Variants in COL2A1 observed in about 807,000 individuals in gnomAD.
COL2A1 encodes the protein collagen alpha-1(II) chain.
A neutral mutation model predicts 204.5 loss-of-function variants in COL2A1; 28 were observed. That is an observed-to-expected ratio of 0.14 (90% CI 0.10 to 0.19). The LOEUF (loss-of-function observed/expected upper bound fraction) is 0.19, where lower values mean the gene tolerates loss of function less well. COL2A1 is among the 10% of genes least tolerant of loss of function. The pLI is 1.00. For missense variants in COL2A1, 1,388 were observed against 2,027.5 expected (o/e 0.68, Z 6.06); for synonymous variants, 708 against 718.7 (o/e 0.99, Z 0.24).
At chr12:47,992,243 C>T (rs1939741714) in intron 16 of COL2A1, among the ~76,000 whole-genome samples, 1 of 152,214 alleles carries the variant, frequency 6.6e-6, no homozygotes, top group Admixed American at 6.5e-5. Context: ...CCCACATTAA[C>T]TAGAGGCCAC....
intron 15 of COL2A1, 82 bp from the exon 16 acceptor site, chr12:47,993,013 C>T (rs950230328): frequency 3.7e-5 from 50 of 1,345,212 alleles, no homozygotes; most frequent in South Asian, 2.4e-4. Context: ...AGGCCCTTTG[C>T]GGATACCAGA....
At chr12:48,004,802 C>T (rs1940401699), upstream of COL2A1, among the ~76,000 whole-genome samples, 1 of 152,228 alleles carries the variant, frequency 6.6e-6, no homozygotes, top group African/African-American at 2.4e-5. Flanking sequence ...GGCCCCTCCC[C>T]TCGGAGTTCT....
Position 47,995,274 on chromosome 12 carries a change from G to C in COL2A1, c.743C>G (p.Pro248Arg), listed in dbSNP as rs760132838. 6.2e-7 allele frequency: 1 copy of C among 1,613,496 alleles called. No individual in the cohort carries two copies. The highest frequency in any genetic ancestry group is 2.2e-5 in the East Asian group (1 of 44,886). ...PMGPRGPPGPPGKPGDDGEAG... is the reference protein window; with the variant it reads ...PMGPRGPPGPRGKPGDDGEAG... Reference sequence around the variant, plus strand: ...ACTCACATCATCACCAGGCTTTCCAGGGGGACCAGGAGGACCACGGGGACC... The same window carrying C: ...ACTCACATCATCACCAGGCTTTCCACGGGGACCAGGAGGACCACGGGGACC... Residue 248 changes from proline to arginine, a missense_variant, in exon 11 of 54, where the codon CCT (proline) becomes CGT (arginine). Transcript: ENST00000380518.
chr12:47,987,360 A>G lies in COL2A1; in HGVS notation c.1222-47T>C, dbSNP rs756663022. ...AATAAGCAGCAAAGAATGAACCCCA[A>G]CCACCTCCAGCCCTCCAGGATCCAG... On this transcript the variant is annotated intron_variant, in intron 19 of 53. Coordinates refer to ENST00000380518, the MANE Select transcript of COL2A1 (RefSeq NM_001844.5). This position sits in a 1 kb window ranked among gnomAD's most constrained non-coding sequence, Gnocchi z 4.1. The G allele has an allele frequency of 2.1e-5, 34 of 1,601,660 alleles. No homozygotes were observed. Among genetic ancestry groups the G allele is most frequent in the Admixed American group, 8.4e-5 (5 of 59,596 alleles).
chr12:47,983,557 C>T, intron 30 of COL2A1, 119 bp from the exon 31 acceptor site: 1 of 1,435,052 alleles, frequency 7.0e-7, no homozygotes, highest in South Asian at 1.2e-5. Context: ...GCCAGGGGTG[C>T]AGGGAAGGCT....
chr12:47,980,544 C>A lies in COL2A1; in HGVS notation c.2625+10G>T. Reference sequence around the variant, plus strand: ...TGAGGGAACAATTCTTGGAGTGCAGCGTTACCCACCTGAGGCCCAGGTGCT... The same window carrying A: ...TGAGGGAACAATTCTTGGAGTGCAGAGTTACCCACCTGAGGCCCAGGTGCT... On this transcript the variant is annotated intron_variant, in intron 39 of 53. Coordinates refer to ENST00000380518, the MANE Select transcript of COL2A1 (RefSeq NM_001844.5). The surrounding 1 kb of genome is among the most constrained non-coding windows in gnomAD (Gnocchi z 4.5). 1 of 1,594,168 alleles carries A rather than the reference C, an allele frequency of 6.3e-7. No homozygotes were observed. The highest frequency in any genetic ancestry group is 8.6e-7 in the Non-Finnish European group (1 of 1,169,004).
intron 2 of COL2A1, chr12:47,998,690 A>G (rs1307996820): frequency 2.0e-6 from 1 of 499,340 alleles, no homozygotes; most frequent in African/African-American, 1.9e-5. Context: ...AAAAGAAAGG[A>G]GCAAGGGCAG....
Position 47,978,068 on chromosome 12 carries a change from G to A in COL2A1, c.3053C>T (p.Pro1018Leu), listed in dbSNP as rs1191511314. 1.9e-6 allele frequency: 3 copies of A among 1,613,896 alleles called. No homozygotes were observed. Among genetic ancestry groups the A allele is most frequent in the Non-Finnish European group, 2.5e-6 (3 of 1,180,022 alleles). Reference sequence around the variant, plus strand: ...GCCAGGAGGACCCACGGGGCCAGGAGGACCTCTGTCTCCAGATGCTCCAGG... The same window carrying A: ...GCCAGGAGGACCCACGGGGCCAGGAAGACCTCTGTCTCCAGATGCTCCAGG... Reference protein sequence around the residue: ...GAPGASGDRGPPGPVGPPGLT... With the variant: ...GAPGASGDRGLPGPVGPPGLT... Residue 1018 changes from proline (P) to leucine (L), a missense_variant, in exon 44 of 54, where the codon CCT (proline) becomes CTT (leucine). Physicochemically the swap from Pro to Leu is moderately conservative, Grantham distance 98. Transcript: ENST00000380518. This position sits in a 1 kb window ranked among gnomAD's most constrained non-coding sequence, Gnocchi z 5.5.
chr12:47,974,779 C>A lies in COL2A1; in HGVS notation c.3970G>T (p.Val1324Phe). 1 of 1,614,178 alleles carries A rather than the reference C, an allele frequency of 6.2e-7. No individual in the cohort carries two copies. The highest frequency in any genetic ancestry group is 8.5e-7 in the Non-Finnish European group (1 of 1,180,046). The change falls in exon 52 of 54, where the codon GTC (valine) becomes TTC (phenylalanine). Residue 1324 changes from valine to phenylalanine, a missense_variant. Around this residue, in one of 3 missense-constraint regions of COL2A1, gnomAD observed 303 missense variants for 369.2 expected, o/e 0.82. Coordinates refer to ENST00000380518, the MANE Select transcript of COL2A1 (RefSeq NM_001844.5). ...FCNMETGETC[V>F]YPNPANVPKK... ...GGAACGTTTGCTGGATTGGGGTAGA[C>A]GCAAGTCTCGCCAGTCTCCATGTTG... is the stretch of plus-strand genomic sequence containing the variant.
Position 47,976,379 on chromosome 12 carries a change from G to C in COL2A1, c.3489+135C>G, listed in dbSNP as rs550866874. On this transcript the variant is annotated intron_variant, in intron 49 of 53. Coordinates refer to ENST00000380518, the MANE Select transcript of COL2A1 (RefSeq NM_001844.5). The surrounding 1 kb of genome is among the most constrained non-coding windows in gnomAD (Gnocchi z 4.3). ...TTTCTGGCCATAGGCACATGAGCCAGTCCTGCCCCCATTACTGAGTGAGGA... is the reference window on the plus strand; with the variant it reads ...TTTCTGGCCATAGGCACATGAGCCACTCCTGCCCCCATTACTGAGTGAGGA... 2 of 1,006,614 alleles carry C rather than the reference G, an allele frequency of 2.0e-6. No individual in the cohort carries two copies. The highest frequency in any genetic ancestry group is 5.0e-5 in the East Asian group (2 of 40,206). The allele number at this position is 1,006,614 out of a possible 1,614,324, so 62.4% of individuals were successfully genotyped here. A position where few individuals can be genotyped will look rare whatever the true frequency, so the allele number is the denominator to read the frequency against.
Position 47,975,484 on chromosome 12 carries a change from C to T in COL2A1, c.3719G>A (p.Arg1240Gln), listed in dbSNP as rs770482348. 4.3e-5 allele frequency: 69 copies of T among 1,613,572 alleles called. No individual in the cohort carries two copies. Among genetic ancestry groups the T allele is most frequent in the African/African-American group, 1.7e-4 (13 of 74,914 alleles). Residue 1240 changes from arginine (R) to glutamine (Q), a missense_variant, in exon 51 of 54, where the codon CGG (arginine) becomes CAG (glutamine). By Grantham distance (43) the Arg-to-Gln change is conservative. Coordinates refer to ENST00000380518, the MANE Select transcript of COL2A1 (RefSeq NM_001844.5). Reference sequence around the variant, plus strand: ...CAGGCCACCGGCTGCCTGGTCGGCCCGCATGTACTGCAGGGGGTCGGGGCC... The same window carrying T: ...CAGGCCACCGGCTGCCTGGTCGGCCTGCATGTACTGCAGGGGGTCGGGGCC... ...EKGPDPLQYM[R>Q]ADQAAGGLRQ...
chr12:47,989,402 G>T (rs1939593593), intron 17 of COL2A1, 121 bp from the exon 18 acceptor site: 2 of 897,452 alleles, frequency 2.2e-6, no homozygotes, highest in Non-Finnish European at 3.6e-6. Context: ...ATCCATTGTG[G>T]CTAAAAGGCC....
Position 47,975,865 on chromosome 12 carries a change from C to T in COL2A1, c.3597+98G>A, listed in dbSNP as rs11168335. 7.2e-5 allele frequency: 68 copies of T among 950,584 alleles called. No homozygotes were observed. The African/African-American group carries it at 9.9e-4, about 14-fold the overall frequency. The allele number at this position is 950,584 out of a possible 1,614,324, so 58.9% of individuals were successfully genotyped here. On this transcript the variant is annotated intron_variant, in intron 50 of 53. Transcript: ENST00000380518. ...TAAAGGATGCCATCACTGTTAGCTGCAGGCTGATGCCCTAAAAGAGGCCCT... is the reference window on the plus strand; with the variant it reads ...TAAAGGATGCCATCACTGTTAGCTGTAGGCTGATGCCCTAAAAGAGGCCCT...
chr12:47,997,666 G>T lies in COL2A1; in HGVS notation c.471C>A (p.Thr157=), dbSNP rs996191339. 1.2e-6 allele frequency: 2 copies of T among 1,613,944 alleles called. No homozygotes were observed. The highest frequency in any genetic ancestry group is 1.7e-5 in the Admixed American group (1 of 60,014). The part of the protein sequence containing the change: ...GPRGRDGEPG[T]PGNPGPPGPP... ...GACCAGGGGGGCCAGGATTTCCAGGGGTCCCAGGTTCTCCATCTCTGCCAC... is the reference window on the plus strand; with the variant it reads ...GACCAGGGGGGCCAGGATTTCCAGGTGTCCCAGGTTCTCCATCTCTGCCAC... The change falls in exon 7 of 54, where the codon ACC becomes ACA. Residue 157 remains threonine, a synonymous_variant. Coordinates refer to ENST00000380518, the MANE Select transcript of COL2A1 (RefSeq NM_001844.5).
chr12:47,992,945 C>G lies in COL2A1; in HGVS notation c.970-14G>C. 1.9e-6 allele frequency: 3 copies of G among 1,614,050 alleles called. No homozygotes were observed. Among genetic ancestry groups the G allele is most frequent in the Non-Finnish European group, 2.5e-6 (3 of 1,179,918 alleles). ...GCCACGAGGACCCTGGAACACACAC[C>G]AGGACAGCCTAAGCATGAGTTGGCT... is the stretch of plus-strand genomic sequence containing the variant. On this transcript the variant is annotated splice_polypyrimidine_tract_variant and intron_variant, in intron 15 of 53. Transcript: ENST00000380518.
rs892483402 is a variant in COL2A1, at chr12:47,976,402, G to A, written c.3489+112C>T. The A allele has an allele frequency of 1.4e-5, 17 of 1,230,638 alleles. No homozygotes were observed. In the African/African-American group the frequency reaches 2.2e-4, roughly 16 times the overall value. The allele number at this position is 1,230,638 out of a possible 1,614,324, so 76.2% of individuals were successfully genotyped here. A position where few individuals can be genotyped will look rare whatever the true frequency, so the allele number is the denominator to read the frequency against. Reference sequence around the variant, plus strand: ...CAGTCCTGCCCCCATTACTGAGTGAGGACCCCTGAGCCCACAGCTTCCCCA... The same window carrying A: ...CAGTCCTGCCCCCATTACTGAGTGAAGACCCCTGAGCCCACAGCTTCCCCA... On this transcript the variant is annotated intron_variant, in intron 49 of 53. Transcript: ENST00000380518. This position sits in a 1 kb window ranked among gnomAD's most constrained non-coding sequence, Gnocchi z 4.3.
intron 1 of COL2A1, among the ~76,000 whole-genome samples, chr12:48,002,072 A>G (rs1003483922): frequency 2.0e-5 from 3 of 152,140 alleles, no homozygotes; most frequent in African/African-American, 7.2e-5. Flanking sequence ...TCTCTCATGA[A>G]TGGGGCTTTT....
chr12:48,000,028 A>G lies in COL2A1; in HGVS notation c.183T>C (p.Thr61=), dbSNP rs772352751. 6.2e-7 allele frequency: 1 copy of G among 1,614,132 alleles called. No homozygotes were observed. Among genetic ancestry groups the G allele is most frequent in the Non-Finnish European group, 8.5e-7 (1 of 1,180,018 alleles). The stretch of plus-strand genomic sequence containing the variant: ...CACAGATTATGTCGTCGCAGAGGAC[A>G]GTCCCAGTGTCACAGACACAGATCC... ...PCRICVCDTG[T]VLCDDIICED... The change falls in exon 2 of 54, where the codon ACT becomes ACC. Residue 61 remains threonine (T), a synonymous_variant. Coordinates refer to ENST00000380518, the MANE Select transcript of COL2A1 (RefSeq NM_001844.5).
At chr12:48,004,048 C>T in intron 1 of COL2A1, 189 bp downstream of exon 1, 1 of 611,892 alleles carries the variant, frequency 1.6e-6, no homozygotes, top group East Asian at 2.8e-5. Context: ...GACCCTGGGA[C>T]AGAGTCCTTG....
Sources: gnomAD v4.1 joint callset for allele counts (sites outside exome capture counted in the v4.1 genomes callset) on GRCh38, gnomAD v4.1.1 for gene constraint, gnomAD v4.1.1 regional missense constraint, Gnocchi (gnomAD v3.1) non-coding constraint, MANE v1.5 for transcripts, NCBI Gene and HGNC (gene_info 2026-07-23, HGNC 2026-07-21) for gene names.